ZBTB6: variants seen among roughly 807,000 people sequenced by gnomAD.
ZBTB6 encodes zinc finger and BTB domain containing 6.
Under a neutral mutation model 30.6 loss-of-function variants are expected in ZBTB6, and 11 were observed. The ratio of observed to expected loss-of-function variants is 0.36; its 90% confidence interval spans 0.23 to 0.60. ZBTB6 has a LOEUF of 0.60. Ranked by LOEUF, ZBTB6 falls within the 20% of genes least tolerant of loss-of-function variation. ZBTB6 has a pLI of 0.75. For missense variants in ZBTB6, 380 were observed against 489.4 expected, an observed-to-expected ratio of 0.78 and a Z score of 2.11; for synonymous variants, 174 against 172.0, an observed-to-expected ratio of 1.01 and a Z score of -0.09.
At position 122,908,582 on chromosome 9, in the gene ZBTB6, G is replaced by A. The variant is rs1399525339; in HGVS notation, c.*2216C>T. 2 of 152,114 alleles carry A rather than the reference G, an allele frequency of 1.3e-5. No homozygotes were observed. The highest frequency in any genetic ancestry group is 1.3e-4 in the Admixed American group (2 of 15,234). 9.4% of individuals were successfully genotyped at this position (152,114 alleles called of 1,614,324 possible). On this transcript the variant is annotated 3_prime_UTR_variant, in exon 2 of 2. Coordinates refer to ENST00000373659, the MANE Select transcript of ZBTB6 (RefSeq NM_006626.6). ...AGATACTAATTCTTAAAAAATCAGA[G>A]TACTATTCTTTTACCCTCTCCTCCC...
In ZBTB6 at chr9:122,912,090, A is replaced by T. The variant is rs768216480; in HGVS notation, c.-9-9T>A. 7 of 1,592,122 alleles carry T rather than the reference A, an allele frequency of 4.4e-6. No individual in the cohort carries two copies. The South Asian group carries it at 6.8e-5, about 16-fold the overall frequency. ...GCAGCCATGATCACAATCTAAGCAA[A>T]ATAAAACACAAACATTGATGTAATA... On this transcript the variant is annotated splice_polypyrimidine_tract_variant and intron_variant, in intron 1 of 1. Transcript: ENST00000373659.
At position 122,911,124 on chromosome 9, in the gene ZBTB6, G is replaced by A; in HGVS notation, c.949C>T (p.Leu317=). The A allele has an allele frequency of 1.9e-6, 3 of 1,614,206 alleles. No individual in the cohort carries two copies. Among genetic ancestry groups the A allele is most frequent in the Non-Finnish European group, 2.5e-6 (3 of 1,180,038 alleles). Residue 317 remains leucine (L), a synonymous_variant, in exon 2 of 2, where the codon CTG becomes TTG. Coordinates refer to ENST00000373659, the MANE Select transcript of ZBTB6 (RefSeq NM_006626.6). The surrounding 1 kb of genome is among the most constrained non-coding windows in gnomAD (Gnocchi z 4.5). The part of the protein sequence containing the change: ...PRGFLHVENY[L]RHLKMHKLFL... ...AGTTTATGCATTTTAAGGTGGCGCA[G>A]ATAGTTTTCAACATGAAGAAAGCCT... is the stretch of plus-strand genomic sequence containing the variant.
At position 122,909,356 on chromosome 9, in the gene ZBTB6, G is replaced by A. The variant is rs1157597736; in HGVS notation, c.*1442C>T. Reference sequence around the variant, plus strand: ...TAGTCAGTCTTCTTTACGAAAAGCAGTTCCTGTGTTTTAGAGAATATTATT... The same window carrying A: ...TAGTCAGTCTTCTTTACGAAAAGCAATTCCTGTGTTTTAGAGAATATTATT... On this transcript the variant is annotated 3_prime_UTR_variant, in exon 2 of 2. Transcript: ENST00000373659. 6.6e-6 allele frequency: 1 copy of A among 152,198 alleles called. No individual in the cohort carries two copies. The highest frequency in any genetic ancestry group is 1.5e-5 in the Non-Finnish European group (1 of 68,028). The allele number at this position is 152,198 out of a possible 1,614,324, so 9.4% of individuals were successfully genotyped here.
In ZBTB6 at chr9:122,908,737, G is replaced by A. The variant is rs955460962; in HGVS notation, c.*2061C>T. The A allele has an allele frequency of 1.3e-5, 2 of 151,992 alleles. No homozygotes were observed. Among genetic ancestry groups the A allele is most frequent in the African/African-American group, 4.8e-5 (2 of 41,362 alleles). The allele number at this position is 151,992 out of a possible 1,614,324, so 9.4% of individuals were successfully genotyped here. A position where few individuals can be genotyped will look rare whatever the true frequency, so the allele number is the denominator to read the frequency against. ...CACACCAACAAATGGCCAATCTTAG[G>A]TCAAATGGAAGCAATGAACTATGAA... On this transcript the variant is annotated 3_prime_UTR_variant, in exon 2 of 2. Coordinates refer to ENST00000373659, the MANE Select transcript of ZBTB6 (RefSeq NM_006626.6).
At position 122,911,002 on chromosome 9, in the gene ZBTB6, A is replaced by G. The variant is rs1832947448; in HGVS notation, c.1071T>C (p.Thr357=). 3 of 1,614,266 alleles carry G rather than the reference A, an allele frequency of 1.9e-6. No homozygotes were observed. Among genetic ancestry groups the G allele is most frequent in the Non-Finnish European group, 2.5e-6 (3 of 1,180,042 alleles). ...TGGCAGTAAATGTCTTCAAGCACACAGTACACTGAAAGGGCCGTATGCCCA... is the reference window on the plus strand; with the variant it reads ...TGGCAGTAAATGTCTTCAAGCACACGGTACACTGAAAGGGCCGTATGCCCA... ...GHMGIRPFQC[T]VCLKTFTAKS... Residue 357 remains threonine (T), a synonymous_variant, in exon 2 of 2, where the codon ACT becomes ACC. Transcript: ENST00000373659. This position sits in a 1 kb window ranked among gnomAD's most constrained non-coding sequence, Gnocchi z 4.5.
At position 122,912,078 on chromosome 9, in the gene ZBTB6, C is replaced by A. The variant is rs775252918; in HGVS notation, c.-6G>T. 17 of 1,600,634 alleles carry A rather than the reference C, an allele frequency of 1.1e-5. No individual in the cohort carries two copies. Among genetic ancestry groups the A allele is most frequent in the African/African-American group, 2.7e-5 (2 of 74,340 alleles). On this transcript the variant is annotated 5_prime_UTR_variant, in exon 2 of 2. Transcript: ENST00000373659. ...ACATCAGACTCAGCAGCCATGATCA[C>A]AATCTAAGCAAAATAAAACACAAAC...
Position 122,912,000 on chromosome 9 carries a change from G to C in ZBTB6, c.73C>G (p.Leu25Val). 1 of 1,614,140 alleles carries C rather than the reference G, an allele frequency of 6.2e-7. No individual in the cohort carries two copies. Among genetic ancestry groups the C allele is most frequent in the South Asian group, 1.1e-5 (1 of 91,070 alleles). ...CAAAATAAATTCTGCTGTCTCAAAA[G>C]ATTCATTTTCTGCAAGACCACATCT... ...QGDVVLQKMN[L>V]LRQQNLFCDV... is the part of the protein sequence containing the mutation. The change falls in exon 2 of 2, where the codon CTT becomes GTT. Residue 25 changes from leucine to valine, a missense_variant. Coordinates refer to ENST00000373659, the MANE Select transcript of ZBTB6 (RefSeq NM_006626.6). This position sits in a 1 kb window ranked among gnomAD's most constrained non-coding sequence, Gnocchi z 4.5.
In ZBTB6 at chr9:122,909,330, C is replaced by A. The variant is rs971338936; in HGVS notation, c.*1468G>T. On this transcript the variant is annotated 3_prime_UTR_variant, in exon 2 of 2. Coordinates refer to ENST00000373659, the MANE Select transcript of ZBTB6 (RefSeq NM_006626.6). ...AGAACAGCTTCAAAGAAAGATGCAT[C>A]TAGTCAGTCTTCTTTACGAAAAGCA... is the stretch of plus-strand genomic sequence containing the variant. 6.6e-6 allele frequency: 1 copy of A among 152,198 alleles called. No homozygotes were observed. The highest frequency in any genetic ancestry group is 1.5e-5 in the Non-Finnish European group (1 of 68,032). 9.4% of individuals were successfully genotyped at this position (152,198 alleles called of 1,614,324 possible).
rs1832924032 is a variant in ZBTB6 at position 122,908,557 on chromosome 9, A to G, written c.*2241T>C. On this transcript the variant is annotated 3_prime_UTR_variant, in exon 2 of 2. Transcript: ENST00000373659. ...TTTTTTTTCAAATATCCAAGATAGT[A>G]GATACTAATTCTTAAAAAATCAGAG... 2 of 152,640 alleles carry G rather than the reference A, an allele frequency of 1.3e-5. No homozygotes were observed. The highest frequency in any genetic ancestry group is 2.9e-5 in the Non-Finnish European group (2 of 68,026). 9.5% of individuals were successfully genotyped at this position (152,640 alleles called of 1,614,324 possible). A position where few individuals can be genotyped will look rare whatever the true frequency, so the allele number is the denominator to read the frequency against.
In ZBTB6 at chr9:122,911,004, T is replaced by C; in HGVS notation, c.1069A>G (p.Thr357Ala). 1 of 1,614,244 alleles carries C rather than the reference T, an allele frequency of 6.2e-7. No homozygotes were observed. ...GHMGIRPFQCTVCLKTFTAKS... is the reference protein window; with the variant it reads ...GHMGIRPFQCAVCLKTFTAKS... ...GCAGTAAATGTCTTCAAGCACACAG[T>C]ACACTGAAAGGGCCGTATGCCCATG... The change falls in exon 2 of 2, where the codon ACT becomes GCT. Residue 357 changes from threonine to alanine, a missense_variant. Physicochemically the swap from Thr to Ala is moderately conservative, Grantham distance 58. Transcript: ENST00000373659. This position sits in a 1 kb window ranked among gnomAD's most constrained non-coding sequence, Gnocchi z 4.5.
intron 1 of ZBTB6, 91 bp downstream of exon 1, chr9:122,913,160 C>G: frequency 1.3e-6 from 1 of 759,424 alleles, no homozygotes; most frequent in Non-Finnish European, 1.6e-6. Flanking sequence ...ACAAGATTAG[C>G]CACTCCGGGG....
rs1383970373 is a variant in ZBTB6, at chr9:122,911,185, A to G, written c.888T>C (p.Gly296=). 5 of 1,614,034 alleles carry G rather than the reference A, an allele frequency of 3.1e-6. No homozygotes were observed. The highest frequency in any genetic ancestry group is 4.2e-6 in the Non-Finnish European group (5 of 1,180,016). The change falls in exon 2 of 2, where the codon GGT becomes GGC. Residue 296 remains glycine (G), a synonymous_variant. Coordinates refer to ENST00000373659, the MANE Select transcript of ZBTB6 (RefSeq NM_006626.6). This position sits in a 1 kb window ranked among gnomAD's most constrained non-coding sequence, Gnocchi z 4.5. ...TVSEIQNLEE[G]YSLRHQCPRC... ...TGGGGCACTGGTGCCTCAGTGAATA[A>G]CCTTCCTCCAGATTCTGAATCTCAC...
In ZBTB6 at chr9:122,909,130, C is replaced by T. The variant is rs917921064; in HGVS notation, c.*1668G>A. 1 of 152,106 alleles carries T rather than the reference C, an allele frequency of 6.6e-6. No homozygotes were observed. Among genetic ancestry groups the T allele is most frequent in the Non-Finnish European group, 1.5e-5 (1 of 68,014 alleles). 9.4% of individuals were successfully genotyped at this position (152,106 alleles called of 1,614,324 possible). A position where few individuals can be genotyped will look rare whatever the true frequency, so the allele number is the denominator to read the frequency against. On this transcript the variant is annotated 3_prime_UTR_variant, in exon 2 of 2. Coordinates refer to ENST00000373659, the MANE Select transcript of ZBTB6 (RefSeq NM_006626.6). ...TTAAAATTCAGTGGAGAATGTCTTTCCCACAAAATTGTCAAAAAAAGGTTA... is the reference window on the plus strand; with the variant it reads ...TTAAAATTCAGTGGAGAATGTCTTTTCCACAAAATTGTCAAAAAAAGGTTA...
In ZBTB6 at chr9:122,911,799, C is replaced by T; in HGVS notation, c.274G>A (p.Ala92Thr). 6.2e-7 allele frequency: 1 copy of T among 1,614,190 alleles called. No individual in the cohort carries two copies. Among genetic ancestry groups the T allele is most frequent in the Middle Eastern group, 1.6e-4 (1 of 6,062 alleles). ...AGCTCTTTCCTTTTAACTTCAAGTG[C>T]TCCAGTATAGCAAGACAGTAACAAT... Reference protein sequence around the residue: ...RKLLLSCYTGALEVKRKELLK... With the variant: ...RKLLLSCYTGTLEVKRKELLK... Residue 92 changes from alanine (A) to threonine (T), a missense_variant, in exon 2 of 2, where the codon GCA (alanine) becomes ACA (threonine). By Grantham distance (58) the Ala-to-Thr change is moderately conservative (BLOSUM62 0). Coordinates refer to ENST00000373659, the MANE Select transcript of ZBTB6 (RefSeq NM_006626.6). The surrounding 1 kb of genome is among the most constrained non-coding windows in gnomAD (Gnocchi z 4.5).
rs565818875 is a variant in ZBTB6 at position 122,909,432 on chromosome 9, T to C, written c.*1366A>G. On this transcript the variant is annotated 3_prime_UTR_variant, in exon 2 of 2. Transcript: ENST00000373659. ...GTTAAAATAATTTATAAAAGTTTTG[T>C]GTTATATGTAGACGGAGATGTTAGA... 6.6e-6 allele frequency: 1 copy of C among 152,330 alleles called. No homozygotes were observed. The highest frequency in any genetic ancestry group is 1.9e-4 in the East Asian group (1 of 5,190). 9.4% of individuals were successfully genotyped at this position (152,330 alleles called of 1,614,324 possible). A position where few individuals can be genotyped will look rare whatever the true frequency, so the allele number is the denominator to read the frequency against.
chr9:122,911,079 C>T lies in ZBTB6; in HGVS notation c.994G>A (p.Gly332Arg), dbSNP rs972148713. The part of the protein sequence containing the change: ...MHKLFLCLQC[G>R]KTFTQKKNLN... The stretch of plus-strand genomic sequence containing the variant: ...TTTTTCTTCTGTGTAAATGTTTTTC[C>T]GCACTGTAAGCATAAGAATAGTTTA... The change falls in exon 2 of 2, where the codon GGA becomes AGA. Residue 332 changes from glycine (G) to arginine (R), a missense_variant. Physicochemically the swap from Gly to Arg is moderately radical, Grantham distance 125 (BLOSUM62 -2). Coordinates refer to ENST00000373659, the MANE Select transcript of ZBTB6 (RefSeq NM_006626.6). This position sits in a 1 kb window ranked among gnomAD's most constrained non-coding sequence, Gnocchi z 4.5. 5 of 1,614,150 alleles carry T rather than the reference C, an allele frequency of 3.1e-6. No individual in the cohort carries two copies. Among genetic ancestry groups the T allele is most frequent in the South Asian group, 1.1e-5 (1 of 91,088 alleles).
Position 122,911,497 on chromosome 9 carries a change from ACT to A in ZBTB6, c.574_575del (p.Leu193AspfsTer20), listed in dbSNP as rs1389410959. 2.5e-6 allele frequency: 4 copies of A among 1,613,890 alleles called. No individual in the cohort carries two copies. Among genetic ancestry groups the A allele is most frequent in the African/African-American group, 1.3e-5 (1 of 74,960 alleles). ...ESNALQSTVE[S>X]LTSERKEMKS... ...TCATTTCCTTTCTCTCTGATGTCAG[ACT>A]CTCTACTGTAGACTGCAAAGCATTG... On this transcript the variant is annotated frameshift_variant, in exon 2 of 2. Coordinates refer to ENST00000373659, the MANE Select transcript of ZBTB6 (RefSeq NM_006626.6). LOFTEE classifies it high-confidence loss of function. This position sits in a 1 kb window ranked among gnomAD's most constrained non-coding sequence, Gnocchi z 4.5.
At chr9:122,912,995 A>G (rs1187197921) in intron 1 of ZBTB6, among the ~76,000 whole-genome samples, 1 of 152,202 alleles carries the variant, frequency 6.6e-6, no homozygotes, top group African/African-American at 2.4e-5. Flanking sequence ...TGCCTGATGC[A>G]TCTGTGTTCC....
Position 122,911,170 on chromosome 9 carries a change from G to A in ZBTB6, c.903C>T (p.His301=). 6.2e-7 allele frequency: 1 copy of A among 1,614,178 alleles called. No homozygotes were observed. The highest frequency in any genetic ancestry group is 1.3e-5 in the African/African-American group (1 of 75,048). Reference sequence around the variant, plus strand: ...AGCCTCGAGGACACCTGGGGCACTGGTGCCTCAGTGAATAACCTTCCTCCA... The same window carrying A: ...AGCCTCGAGGACACCTGGGGCACTGATGCCTCAGTGAATAACCTTCCTCCA... ...QNLEEGYSLR[H]QCPRCPRGFL... The change falls in exon 2 of 2, where the codon CAC becomes CAT. Residue 301 remains histidine, a synonymous_variant. Coordinates refer to ENST00000373659, the MANE Select transcript of ZBTB6 (RefSeq NM_006626.6). This position sits in a 1 kb window ranked among gnomAD's most constrained non-coding sequence, Gnocchi z 4.5.
Sources: allele counts gnomAD v4.1 joint callset (sites outside exome capture counted in the v4.1 genomes callset), GRCh38; gene constraint gnomAD v4.1.1; non-coding constraint Gnocchi (gnomAD v3.1); transcripts MANE v1.5; gene names NCBI Gene and HGNC (gene_info 2026-07-23, HGNC 2026-07-21).